Variants in CHD9 observed in about 807,000 individuals in gnomAD.
CHD9 encodes the protein ATP-dependent chromatin remodeler CHD9.
In CHD9, 77 loss-of-function variants were observed where a neutral mutation model predicts 316.1. That is an observed-to-expected ratio of 0.24 (90% CI 0.20 to 0.29). CHD9 has a LOEUF of 0.29. CHD9 is among the 10% of genes least tolerant of loss of function. CHD9 has a pLI of 1.00. For synonymous variants in CHD9, 1,129 were observed against 1,158.3 expected, an observed-to-expected ratio of 0.97 and a Z score of 0.51; for missense variants, 2,763 against 3,438.1, an observed-to-expected ratio of 0.80 and a Z score of 4.91.
At chr16:53,302,731 T>C (rs12599957) in intron 30 of CHD9, among the ~76,000 whole-genome samples, 67,670 of 151,944 alleles carry the variant, frequency 0.45, 15,488 homozygotes, top group South Asian at 0.58. Context: ...TTCATGGGTA[T>C]TTATTCTATA....
At chr16:53,277,319 G>C (rs2052942196) in intron 24 of CHD9, among the ~76,000 whole-genome samples, 1 of 152,068 alleles carries the variant, frequency 6.6e-6, no homozygotes, top group Non-Finnish European at 1.5e-5. Flanking sequence ...GAAAACTACA[G>C]ACCAGTATCC....
Position 53,227,581 on chromosome 16 carries a change from T to C in CHD9, c.2146T>C (p.Phe716Leu). The C allele has an allele frequency of 7.4e-7, 1 of 1,359,762 alleles. No homozygotes were observed. The highest frequency in any genetic ancestry group is 9.8e-7 in the Non-Finnish European group (1 of 1,015,478). The allele number at this position is 1,359,762 out of a possible 1,614,324, so 84.2% of individuals were successfully genotyped here. A position where few individuals can be genotyped will look rare whatever the true frequency, so the allele number is the denominator to read the frequency against. The change falls in exon 7 of 39, where the codon TTT becomes CTT. Residue 716 changes from phenylalanine to leucine, a missense_variant. This residue lies in a region of CHD9 where 859 missense variants were observed against 890.4 expected (regional missense o/e 0.96). Transcript: ENST00000447540. ...SPGVMIDTEE[F>L]FVKYKNYSYL... ...TGGAGTGATGATTGATACAGAAGAA[T>C]TTTTTGTAAAATACAAGAATTAGTA...
intron 1 of CHD9, among the ~76,000 whole-genome samples, chr16:53,101,277 T>C (rs970616359): frequency 2.9e-4 from 44 of 149,158 alleles, no homozygotes; most frequent in African/African-American, 1.1e-3. Flanking sequence ...CCTTTTCTTT[T>C]TTTTTTTTTT....
Position 53,209,783 on chromosome 16 carries a change from G to T in CHD9, c.1754G>T (p.Cys585Phe), listed in dbSNP as rs771444518. The T allele has an allele frequency of 6.3e-7, 1 of 1,595,066 alleles. No individual in the cohort carries two copies. The highest frequency in any genetic ancestry group is 8.5e-7 in the Non-Finnish European group (1 of 1,171,538). Residue 585 changes from cysteine (C) to phenylalanine (F), a missense_variant, in exon 3 of 39, where the codon TGT (cysteine) becomes TTT (phenylalanine). Coordinates refer to ENST00000447540, the MANE Select transcript of CHD9 (RefSeq NM_001308319.2). ...KDKDSKKTKTCSKLKEKTKIG... is the reference protein window; with the variant it reads ...KDKDSKKTKTFSKLKEKTKIG... ...AAAGACAGCAAAAAAACAAAAACAT[G>T]TTCTAAGTTAAAAGAGAAGACAAAA...
At chr16:53,276,845 C>T (rs2052882741) in intron 24 of CHD9, among the ~76,000 whole-genome samples, 1 of 152,012 alleles carries the variant, frequency 6.6e-6, no homozygotes. Context: ...TAAAAAGTTG[C>T]CTGTATTTAT....
intron 1 of CHD9, among the ~76,000 whole-genome samples, chr16:53,056,568 T>C (rs540929347): frequency 3.4e-4 from 52 of 152,370 alleles, no homozygotes; most frequent in Non-Finnish European, 6.6e-4. Context: ...CCAGGCAGTC[T>C]GCTCTTGAGC....
At chr16:53,319,082 T>G (rs1003513512) in intron 37 of CHD9, among the ~76,000 whole-genome samples, 7 of 152,224 alleles carry the variant, frequency 4.6e-5, no homozygotes, top group African/African-American at 1.7e-4. Flanking sequence ...TGTTTTATGT[T>G]TGGATTAATA....
intron 1 of CHD9, among the ~76,000 whole-genome samples, chr16:53,149,968 A>T (rs8057285): frequency 0.24 from 36,395 of 151,558 alleles, 4,706 homozygotes; most frequent in Middle Eastern, 0.32. Context: ...CTTGTTTTTT[A>T]TCCTCCTGTG....
chr16:53,267,401 A>C lies in CHD9; in HGVS notation c.4428A>C (p.Glu1476Asp). Reference protein sequence around the residue: ...ELSEAESEGDEKPKLRRPCDR... With the variant: ...ELSEAESEGDDKPKLRRPCDR... ...CTGAAGCTGAAAGTGAAGGAGATGA[A>C]AAGCCCAAACTCCGGAGACCCTGTG... The change falls in exon 21 of 39, where the codon GAA (glutamate) becomes GAC (aspartate). Residue 1476 changes from glutamate (E) to aspartate (D), a missense_variant. This residue lies in a region of CHD9 where 199 missense variants were observed against 251.7 expected (regional missense o/e 0.79). Coordinates refer to ENST00000447540, the MANE Select transcript of CHD9 (RefSeq NM_001308319.2). 1 of 1,613,158 alleles carries C rather than the reference A, an allele frequency of 6.2e-7. No homozygotes were observed. The highest frequency in any genetic ancestry group is 8.5e-7 in the Non-Finnish European group (1 of 1,179,408).
chr16:53,212,167 C>G (rs2046381180), intron 3 of CHD9, among the ~76,000 whole-genome samples: 1 of 151,894 alleles, frequency 6.6e-6, no homozygotes, highest in South Asian at 2.1e-4. Flanking sequence ...TTTGGGAGGC[C>G]GAGGCGGGCG....
intron 37 of CHD9, chr16:53,319,851 C>T: frequency 8.0e-7 from 1 of 1,254,386 alleles, no homozygotes; most frequent in Non-Finnish European, 1.0e-6. Flanking sequence ...AAGAATCTAC[C>T]TGCTAAATCC....
chr16:53,080,789 C>T (rs2034951514), intron 1 of CHD9, among the ~76,000 whole-genome samples: 1 of 152,172 alleles, frequency 6.6e-6, no homozygotes, highest in African/African-American at 2.4e-5. Flanking sequence ...ACTCCTCCAC[C>T]CCCACCTCCT....
chr16:53,208,201 T>C, intron 2 of CHD9: 1 of 1,150,770 alleles, frequency 8.7e-7, no homozygotes, highest in Non-Finnish European at 1.1e-6. Context: ...GGGTTGTGCA[T>C]CTCTTGGTTG....
intron 2 of CHD9, among the ~76,000 whole-genome samples, chr16:53,178,277 T>C (rs2043222630): frequency 6.6e-6 from 1 of 152,160 alleles, no homozygotes; most frequent in South Asian, 2.1e-4. Flanking sequence ...CACAGATTTG[T>C]GAAGTTAGTT....
intron 34 of CHD9, among the ~76,000 whole-genome samples, chr16:53,312,881 T>C (rs1290854866): frequency 6.6e-6 from 1 of 152,218 alleles, no homozygotes; most frequent in East Asian, 1.9e-4. Flanking sequence ...AAATTCTCCT[T>C]GAATGACTGG....
intron 33 of CHD9, among the ~76,000 whole-genome samples, chr16:53,308,442 T>C (rs980211072): frequency 6.6e-6 from 1 of 152,216 alleles, no homozygotes; most frequent in African/African-American, 2.4e-5. Flanking sequence ...AGTAACATCT[T>C]GTTTTGGTCA....
rs536906431 is a variant in CHD9 at position 53,225,082 on chromosome 16, C to T, written c.1897-1284C>T. On this transcript the variant is annotated intron_variant, in intron 4 of 38. Transcript: ENST00000447540. Reference sequence around the variant, plus strand: ...TGCCTTTCTTTCTCTCAGTATTTTACTACTCACAAGAGAAAGGGGCAGAGG... The same window carrying T: ...TGCCTTTCTTTCTCTCAGTATTTTATTACTCACAAGAGAAAGGGGCAGAGG... Among the ~76,000 whole-genome samples, 5 of 152,212 alleles carry T rather than the reference C, an allele frequency of 3.3e-5. 1 individual carries two copies. The highest frequency in any genetic ancestry group is 1.9e-4 in the East Asian group (1 of 5,178).
rs370018313 is a variant in CHD9, at chr16:53,070,493, C to T, written c.-165+15416C>T. On this transcript the variant is annotated intron_variant, in intron 1 of 38. Transcript: ENST00000447540. ...ATGTCTTTCTTTCTTTCTTTCTTTC[C>T]TTCCTTCCTTCCTTCCTTCCTTCCT... Among the ~76,000 whole-genome samples the T allele has an allele frequency of 7.7e-4, 100 of 129,370 alleles. No homozygotes were observed. In the East Asian group the frequency reaches 0.017, roughly 22 times the overall value. The allele number at this position is 129,370 out of a possible 152,430, so 84.9% of individuals were successfully genotyped here.
In CHD9 at chr16:53,280,633, A is replaced by G. The variant is rs534145292; in HGVS notation, c.4968-4963A>G. ...CAAATCACCACTAAAGAACTTACTC[A>G]TGTAACCAAATACCACCTGTTCTCC... On this transcript the variant is annotated intron_variant, in intron 24 of 38. Transcript: ENST00000447540. 5.3e-5 allele frequency among the ~76,000 whole-genome samples: 8 copies of G among 152,066 alleles called. No individual in the cohort carries two copies. The East Asian group carries it at 1.5e-3, about 29-fold the overall frequency.
Sources: allele counts gnomAD v4.1 joint callset (sites outside exome capture counted in the v4.1 genomes callset), GRCh38; gene constraint gnomAD v4.1.1; regional missense constraint gnomAD v4.1.1; transcripts MANE v1.5; gene names NCBI Gene and HGNC (gene_info 2026-07-23, HGNC 2026-07-21).